Variants in AOPEP observed in about 807,000 individuals in gnomAD.
The protein encoded by AOPEP is aminopeptidase O.
AOPEP carries 77 observed loss-of-function variants against 98.1 expected under a neutral mutation model. That is an observed-to-expected ratio of 0.78 (90% CI 0.65 to 0.95). AOPEP has a LOEUF of 0.95. Ranked by LOEUF, AOPEP falls within the 40% of genes least tolerant of loss-of-function variation. The probability of loss-of-function intolerance (pLI) is 0.00; values close to 1 mark genes in which losing one functional copy is unlikely to be tolerated. For synonymous variants in AOPEP, 346 were observed against 365.3 expected (o/e 0.95, Z 0.60); for missense variants, 1,024 against 1,024.7 (o/e 1.00, Z 0.01).
At chr9:94,997,703 G>T (rs557297564) in intron 11 of AOPEP, among the ~76,000 whole-genome samples, 42 of 151,828 alleles carry the variant, frequency 2.8e-4, no homozygotes, top group African/African-American at 1.0e-3. Flanking sequence ...GTGAAATTTT[G>T]TTTTTTTTGA....
chr9:94,804,129 A>G (rs1308378803), intron 5 of AOPEP, among the ~76,000 whole-genome samples: 2 of 152,216 alleles, frequency 1.3e-5, no homozygotes, highest in Non-Finnish European at 1.5e-5. Flanking sequence ...ATTTTGAGAA[A>G]TAATGAAAGG....
At chr9:95,042,351 CATAA>C (rs796782521) in intron 13 of AOPEP, among the ~76,000 whole-genome samples, 43 of 109,032 alleles carry the variant, frequency 3.9e-4, no homozygotes, top group South Asian at 9.3e-4. Flanking sequence ...TACATAAATA[CATAA>C]ATAAATAAAT....
At chr9:94,920,068 A>C (rs893705092) in intron 5 of AOPEP, 1 of 152,146 alleles carries the variant, frequency 6.6e-6, no homozygotes, top group Non-Finnish European at 1.5e-5. Context: ...TGGGCGGATC[A>C]CCTGAGGTTG....
the AOPEP span, among the ~76,000 whole-genome samples, chr9:95,116,721 C>T: frequency 5.3e-5 from 8 of 152,210 alleles, no homozygotes; most frequent in East Asian, 3.8e-4. Context: ...CAGCCACATT[C>T]CTGGATCAAC....
chr9:95,086,631 G>A (rs537301646), intron 16 of AOPEP, 51 bp from the exon 17 acceptor site: 1 of 987,466 alleles, frequency 1.0e-6, no homozygotes, highest in Admixed American at 6.1e-5. Context: ...GCGCTCACAA[G>A]AATTCCTCCC....
At chr9:94,857,886 C>T (rs963400751) in intron 5 of AOPEP, among the ~76,000 whole-genome samples, 2 of 152,108 alleles carry the variant, frequency 1.3e-5, no homozygotes, top group African/African-American at 4.8e-5. Flanking sequence ...ACATCATTTA[C>T]GTTGGTTTTC....
chr9:94,739,695 C>T, intron 1 of AOPEP, among the ~76,000 whole-genome samples: 1 of 151,846 alleles, frequency 6.6e-6, no homozygotes, highest in East Asian at 1.9e-4. Flanking sequence ...GTTATCAGTC[C>T]ACTGCTAAAT....
intron 13 of AOPEP, among the ~76,000 whole-genome samples, chr9:95,026,651 C>T (rs897981411): frequency 1.3e-5 from 2 of 152,202 alleles, no homozygotes; most frequent in African/African-American, 4.8e-5. Context: ...GCAGTAAGTA[C>T]AGATGAGTTG....
chr9:95,005,406 C>T (rs2061926059), intron 12 of AOPEP, 136 bp from the exon 13 acceptor site: 2 of 949,190 alleles, frequency 2.1e-6, no homozygotes, highest in African/African-American at 1.7e-5. Flanking sequence ...GCGAGTTCCG[C>T]GGGCGGGCGC....
the AOPEP span, chr9:95,100,030 C>T: frequency 8.6e-6 from 2 of 232,172 alleles, no homozygotes; most frequent in African/African-American, 4.4e-5. Flanking sequence ...CTGCTGCCAC[C>T]ATGTCCACAG....
At chr9:95,062,908 T>A (rs2067451923) in intron 14 of AOPEP, among the ~76,000 whole-genome samples, 1 of 152,196 alleles carries the variant, frequency 6.6e-6, no homozygotes, top group Admixed American at 6.5e-5. Context: ...AAAGGAAAAG[T>A]GCTCAAGGAC....
At chr9:94,808,727 T>C (rs888032893) in intron 5 of AOPEP, among the ~76,000 whole-genome samples, 2 of 152,218 alleles carry the variant, frequency 1.3e-5, no homozygotes, top group African/African-American at 4.8e-5. Flanking sequence ...TCTAAGAAAG[T>C]GTGAATGATA....
the AOPEP span, among the ~76,000 whole-genome samples, chr9:95,105,690 T>G: frequency 2.0e-5 from 3 of 152,326 alleles, 1 homozygote; most frequent in South Asian, 6.2e-4. Flanking sequence ...TTCCTCTCCC[T>G]GGACTTGACT....
chr9:95,057,276 G>T (rs1365195167), intron 13 of AOPEP, among the ~76,000 whole-genome samples: 1 of 152,216 alleles, frequency 6.6e-6, no homozygotes, highest in Non-Finnish European at 1.5e-5. Context: ...CTTAAATTCA[G>T]CTGATCTTAA....
chr9:95,117,288 A>C, the AOPEP span: 1 of 1,605,482 alleles, frequency 6.2e-7, no homozygotes, highest in Non-Finnish European at 8.5e-7. Flanking sequence ...AATCATTCTG[A>C]TGTGGGCAAA....
chr9:95,015,183 A>T (rs1228212344), intron 13 of AOPEP, among the ~76,000 whole-genome samples: 1 of 152,250 alleles, frequency 6.6e-6, no homozygotes. Context: ...GGGAAATTGG[A>T]TAATTGAATT....
Position 95,027,077 on chromosome 9 carries a change from A to G in AOPEP, c.2115+21461A>G, listed in dbSNP as rs1036541946. ...GGAGTTCGAGACCAGCCTGGGCAACATGGCGAAACCCCATCTCTATAAAAA... is the reference window on the plus strand; with the variant it reads ...GGAGTTCGAGACCAGCCTGGGCAACGTGGCGAAACCCCATCTCTATAAAAA... On this transcript the variant is annotated intron_variant, in intron 13 of 16. Coordinates refer to ENST00000375315, the MANE Select transcript of AOPEP (RefSeq NM_001193329.3). 2.6e-5 allele frequency among the ~76,000 whole-genome samples: 4 copies of G among 152,212 alleles called. 1 individual carries two copies. In the East Asian group the frequency reaches 7.7e-4, roughly 29 times the overall value.
At chr9:95,135,429 T>C in the AOPEP span, 5 of 1,613,972 alleles carry the variant, frequency 3.1e-6, no homozygotes, top group East Asian at 4.5e-5. Context: ...AGATGCAGCA[T>C]TGCTTTTTCA....
At chr9:95,054,999 A>G (rs898915279) in intron 13 of AOPEP, among the ~76,000 whole-genome samples, 2 of 152,342 alleles carry the variant, frequency 1.3e-5, no homozygotes, top group East Asian at 3.9e-4. Context: ...AGTTTCGGCA[A>G]TTCTTTAAAA....
Sources: allele counts gnomAD v4.1 joint callset (sites outside exome capture counted in the v4.1 genomes callset), GRCh38; gene constraint gnomAD v4.1.1; transcripts MANE v1.5; gene names NCBI Gene and HGNC (gene_info 2026-07-23, HGNC 2026-07-21).